The following CYSLTR2 variants were observed in gnomAD, a reference collection of about 807,000 sequenced individuals.
CYSLTR2 encodes the protein G-protein coupled receptor GPCR21.
For synonymous variants in CYSLTR2, 179 were observed against 160.8 expected, an observed-to-expected ratio of 1.11 and a Z score of -0.86; for missense variants, 398 against 411.9, an observed-to-expected ratio of 0.97 and a Z score of 0.29.
At chr13:48,684,799 C>T (rs906068017) in intron 1 of CYSLTR2, among the ~76,000 whole-genome samples, 1 of 152,064 alleles carries the variant, frequency 6.6e-6, no homozygotes, top group African/African-American at 2.4e-5. Context: ...ATGGTGGACC[C>T]TAAGCCCAAT....
At chr13:48,663,877 GGT>G (rs1262065818) in intron 1 of CYSLTR2, among the ~76,000 whole-genome samples, 2 of 152,020 alleles carry the variant, frequency 1.3e-5, no homozygotes, top group African/African-American at 4.8e-5. Flanking sequence ...GAATAAGAGT[GGT>G]GAGAGTAAGC....
chr13:48,666,028 G>T (rs765844239), intron 1 of CYSLTR2, among the ~76,000 whole-genome samples: 3 of 151,994 alleles, frequency 2.0e-5, no homozygotes, highest in Non-Finnish European at 4.4e-5. Flanking sequence ...TCATGAAAAT[G>T]GTTATCATCT....
intron 4 of CYSLTR2, among the ~76,000 whole-genome samples, chr13:48,705,998 T>C (rs1343824896): frequency 5.4e-5 from 8 of 147,224 alleles, no homozygotes; most frequent in Admixed American, 3.4e-4. Context: ...GTTTTGTTGT[T>C]GTTTTTTTTT....
At position 48,660,708 on chromosome 13, in the gene CYSLTR2, C is replaced by A. The variant is rs192183367; in HGVS notation, c.-266+6691C>A. Among the ~76,000 whole-genome samples the A allele has an allele frequency of 2.6e-5, 4 of 152,288 alleles. No individual in the cohort carries two copies. The East Asian group carries it at 7.7e-4, about 29-fold the overall frequency. On this transcript the variant is annotated intron_variant, in intron 1 of 4. Coordinates refer to ENST00000682523, the MANE Select transcript of CYSLTR2 (RefSeq NM_001308476.3). ...TTTTGAAAAAAAAATTCTGAAAGCA[C>A]AAGACCGTTCTTGGAAGGCCAGGAA...
intron 1 of CYSLTR2, among the ~76,000 whole-genome samples, chr13:48,661,342 GA>G (rs749628454): frequency 1.3e-5 from 2 of 152,030 alleles, no homozygotes; most frequent in Non-Finnish European, 2.9e-5. Flanking sequence ...AACAAATCAG[GA>G]TTTAAATCCT....
At chr13:48,668,735 C>G (rs548484758) in intron 1 of CYSLTR2, among the ~76,000 whole-genome samples, 5 of 152,190 alleles carry the variant, frequency 3.3e-5, no homozygotes, top group East Asian at 1.9e-4. Context: ...TTAGGAATTT[C>G]TCCTAATGCT....
chr13:48,698,654 C>A (rs1831262357), intron 4 of CYSLTR2, among the ~76,000 whole-genome samples: 1 of 152,186 alleles, frequency 6.6e-6, no homozygotes, highest in South Asian at 2.1e-4. Context: ...ATAACAAGAT[C>A]AAATTCACAC....
intron 1 of CYSLTR2, among the ~76,000 whole-genome samples, chr13:48,671,527 G>A (rs1317582970): frequency 6.6e-6 from 1 of 152,158 alleles, no homozygotes; most frequent in Non-Finnish European, 1.5e-5. Flanking sequence ...TGCATCTATT[G>A]AGATATTCAT....
In CYSLTR2 at chr13:48,672,257, G is replaced by T. The variant is rs562972921; in HGVS notation, c.-266+18240G>T. 2.3e-3 allele frequency among the ~76,000 whole-genome samples: 354 copies of T among 151,948 alleles called. 2 individuals carry two copies. The highest frequency in any genetic ancestry group is 8.0e-3 in the African/African-American group (330 of 41,478). ...AGCTTTTGAATTCATTTTTTAAAGG[G>T]TTTTTTGTGTCTCTATCTCTTTCAG... On this transcript the variant is annotated intron_variant, in intron 1 of 4. Coordinates refer to ENST00000682523, the MANE Select transcript of CYSLTR2 (RefSeq NM_001308476.3).
Position 48,694,988 on chromosome 13 carries a change from A to T in CYSLTR2, c.-103+1478A>T, listed in dbSNP as rs145739547. Among the ~76,000 whole-genome samples the T allele has an allele frequency of 2.3e-3, 347 of 149,030 alleles. 2 individuals carry two copies. The highest frequency in any genetic ancestry group is 7.3e-3 in the African/African-American group (298 of 40,684). On this transcript the variant is annotated intron_variant, in intron 3 of 4. Transcript: ENST00000682523. ...TAATTAAAAATTCCCATGCACATGT[A>T]AAAAAAAAATAGAAAAATCTCTTGT...
chr13:48,703,284 T>C (rs1954397281), intron 4 of CYSLTR2, among the ~76,000 whole-genome samples: 2 of 152,302 alleles, frequency 1.3e-5, no homozygotes, highest in South Asian at 4.1e-4. Context: ...TCTTCCTTTC[T>C]AATCTATATG....
chr13:48,710,029 G>C lies in CYSLTR2; in HGVS notation c.*2171G>C, dbSNP rs1234925759. 6.6e-6 allele frequency: 1 copy of C among 152,186 alleles called. No individual in the cohort carries two copies. The highest frequency in any genetic ancestry group is 1.5e-5 in the Non-Finnish European group (1 of 68,038). The allele number at this position is 152,186 out of a possible 1,614,324, so 9.4% of individuals were successfully genotyped here. A position where few individuals can be genotyped will look rare whatever the true frequency, so the allele number is the denominator to read the frequency against. On this transcript the variant is annotated 3_prime_UTR_variant, in exon 5 of 5. Coordinates refer to ENST00000682523, the MANE Select transcript of CYSLTR2 (RefSeq NM_001308476.3). Reference sequence around the variant, plus strand: ...AATAAGCAAGTAAAAACGCAATACAGTTTTTAAGTGCTAGAGGAAAAGAAA... The same window carrying C: ...AATAAGCAAGTAAAAACGCAATACACTTTTTAAGTGCTAGAGGAAAAGAAA...
chr13:48,682,373 C>A (rs1953779474), intron 1 of CYSLTR2, among the ~76,000 whole-genome samples: 1 of 152,288 alleles, frequency 6.6e-6, no homozygotes, highest in Admixed American at 6.5e-5. Context: ...TATTCGCTTT[C>A]CTGAGTCAGG....
intron 1 of CYSLTR2, among the ~76,000 whole-genome samples, chr13:48,660,309 A>G (rs77125216): frequency 0.014 from 2,092 of 152,218 alleles, 58 homozygotes; most frequent in African/African-American, 0.047. Flanking sequence ...GTTCTCTGGG[A>G]GATAACAGTA....
chr13:48,657,340 TCA>T (rs1953022292), intron 1 of CYSLTR2, among the ~76,000 whole-genome samples: 1 of 152,042 alleles, frequency 6.6e-6, no homozygotes, highest in African/African-American at 2.4e-5. Context: ...TGAGTTGGAG[TCA>T]AGAAATTCCA....
chr13:48,696,795 C>T (rs560126104), intron 4 of CYSLTR2, among the ~76,000 whole-genome samples, 169 bp downstream of exon 4: 2 of 152,300 alleles, frequency 1.3e-5, no homozygotes, highest in Admixed American at 1.3e-4. Context: ...CACCCTAATA[C>T]TGTGCTTTTC....
In CYSLTR2 at chr13:48,694,469, T is replaced by C. The variant is rs73182548; in HGVS notation, c.-103+959T>C. Among the ~76,000 whole-genome samples the C allele has an allele frequency of 6.0e-3, 915 of 152,244 alleles. 12 individuals carry two copies. The highest frequency in any genetic ancestry group is 6.6e-3 in the Non-Finnish European group (448 of 68,006). On this transcript the variant is annotated intron_variant, in intron 3 of 4. Transcript: ENST00000682523. ...TCCAACTGACTAGATTTGCAATAAG[T>C]TTTACAGACTAGAAAGACTCCAAGG...
At chr13:48,666,536 T>C (rs1011409836) in intron 1 of CYSLTR2, among the ~76,000 whole-genome samples, 1 of 152,172 alleles carries the variant, frequency 6.6e-6, no homozygotes, top group Non-Finnish European at 1.5e-5. Context: ...ACCCATAATA[T>C]GAGCATTTCT....
At chr13:48,672,085 A>G (rs934566924) in intron 1 of CYSLTR2, among the ~76,000 whole-genome samples, 6 of 152,104 alleles carry the variant, frequency 3.9e-5, no homozygotes, top group African/African-American at 1.4e-4. Context: ...GTGTTTTAGC[A>G]TTCTCTGACG....
Sources: allele counts gnomAD v4.1 joint callset (sites outside exome capture counted in the v4.1 genomes callset), GRCh38; gene constraint gnomAD v4.1.1; transcripts MANE v1.5; gene names NCBI Gene and HGNC (gene_info 2026-07-23, HGNC 2026-07-21).